The following NFKBIZ variants were observed in gnomAD, a reference collection of about 807,000 sequenced individuals.
NFKBIZ encodes NF-kappa-B inhibitor zeta.
In NFKBIZ, 19 loss-of-function variants were observed where a neutral mutation model predicts 76.8. The observed-to-expected ratio is 0.25, with a 90% confidence interval of 0.17 to 0.36. The LOEUF is 0.36. NFKBIZ is among the 10% of genes least tolerant of loss of function. NFKBIZ has a pLI of 1.00. For synonymous variants in NFKBIZ, 368 were observed against 354.8 expected (o/e 1.04, Z -0.42); for missense variants, 829 against 910.9 (o/e 0.91, Z 1.16).
chr3:101,853,974 TA>T, intron 5 of NFKBIZ, 111 bp downstream of exon 5: 1 of 1,015,812 alleles, frequency 9.8e-7, no homozygotes, highest in Non-Finnish European at 1.4e-6. Flanking sequence ...AGTGGTTGGC[TA>T]ACCAAGATGA....
chr3:101,839,399 AG>A (rs969844797), intron 2 of NFKBIZ, among the ~76,000 whole-genome samples: 3 of 152,144 alleles, frequency 2.0e-5, no homozygotes, highest in Non-Finnish European at 4.4e-5. Flanking sequence ...TAAAAAGGGA[AG>A]GGGGAAGAAG....
At chr3:101,838,737 A>G (rs1942753631) in intron 2 of NFKBIZ, among the ~76,000 whole-genome samples, 1 of 152,184 alleles carries the variant, frequency 6.6e-6, no homozygotes, top group Admixed American at 6.5e-5. Flanking sequence ...TTAAATTTGC[A>G]TAGTCTTTTA....
chr3:101,837,527 A>T (rs1372802091), intron 2 of NFKBIZ, among the ~76,000 whole-genome samples: 2 of 152,030 alleles, frequency 1.3e-5, no homozygotes, highest in African/African-American at 4.8e-5. Context: ...AAAAGAAAAA[A>T]AAAGAAAAAT....
In NFKBIZ at chr3:101,855,121, C is replaced by T. The variant is rs1943029354; in HGVS notation, c.1503C>T (p.Asn501=). The part of the protein sequence containing the change: ...NQHLIVQDLV[N]IGAQVNTTDC... ...ATCTCATTGTGCAGGATCTGGTGAA[C>T]ATCGGGGCACAGGTGAACACCACAG... is the stretch of plus-strand genomic sequence containing the variant. The change falls in exon 7 of 12, where the codon AAC becomes AAT. Residue 501 remains asparagine, a synonymous_variant. Coordinates refer to ENST00000326172, the MANE Select transcript of NFKBIZ (RefSeq NM_031419.4). 2 of 1,613,930 alleles carry T rather than the reference C, an allele frequency of 1.2e-6. No homozygotes were observed. The highest frequency in any genetic ancestry group is 8.5e-7 in the Non-Finnish European group (1 of 1,179,994).
At chr3:101,848,134 T>C (rs949961994), upstream of NFKBIZ, among the ~76,000 whole-genome samples, 1 of 152,256 alleles carries the variant, frequency 6.6e-6, no homozygotes, top group African/African-American at 2.4e-5. Context: ...TAATGGCCTC[T>C]GGGCTCCTCA....
intron 11 of NFKBIZ, chr3:101,857,960 T>A: frequency 3.6e-6 from 3 of 830,858 alleles, no homozygotes; most frequent in Non-Finnish European, 4.3e-6. Flanking sequence ...AAATTACTTA[T>A]GTAATTTCAA....
chr3:101,833,326 T>C (rs545961156), intron 2 of NFKBIZ, among the ~76,000 whole-genome samples: 7 of 152,302 alleles, frequency 4.6e-5, no homozygotes, highest in African/African-American at 1.7e-4. Context: ...ATAGGAATTG[T>C]GTGAGTTCTG....
intron 5 of NFKBIZ, 121 bp downstream of exon 5, chr3:101,853,984 G>A (rs1943009920): frequency 1.1e-6 from 1 of 905,622 alleles, no homozygotes; most frequent in Non-Finnish European, 1.7e-6. Flanking sequence ...TAACCAAGAT[G>A]ACTGGTGTAG....
rs911805972 is a variant in NFKBIZ at position 101,853,755 on chromosome 3, CCA to C, written c.1234_1235del (p.Gln412ValfsTer33). 6.2e-7 allele frequency: 1 copy of C among 1,614,094 alleles called. No individual in the cohort carries two copies. The highest frequency in any genetic ancestry group is 8.5e-7 in the Non-Finnish European group (1 of 1,180,038). ...TCAAACATGGGAAATCCAATGAACA[CCA>C]CACAGTTAGGGAAATCACTTTTTCA... On this transcript the variant is annotated frameshift_variant, in exon 5 of 12. Transcript: ENST00000326172. LOFTEE classifies it high-confidence loss of function.
Position 101,853,443 on chromosome 3 carries a change from C to T in NFKBIZ, c.917C>T (p.Pro306Leu). 1.2e-6 allele frequency: 2 copies of T among 1,614,202 alleles called. No homozygotes were observed. The highest frequency in any genetic ancestry group is 1.7e-6 in the Non-Finnish European group (2 of 1,180,044). ...CAGCAGCCACACTACACCCACAAAC[C>T]AACTCTGGAATACAGTCCTTTTCCC... is the stretch of plus-strand genomic sequence containing the variant. ...VEQQPHYTHK[P>L]TLEYSPFPIP... Residue 306 changes from proline to leucine, a missense_variant, in exon 5 of 12, where the codon CCA (proline) becomes CTA (leucine). Transcript: ENST00000326172.
chr3:101,841,330 A>G (rs1346838940), intron 2 of NFKBIZ, among the ~76,000 whole-genome samples: 1 of 152,218 alleles, frequency 6.6e-6, no homozygotes, highest in African/African-American at 2.4e-5. Context: ...CAGGTGGCCT[A>G]TTGGGAAGTA....
chr3:101,854,677 T>C lies in NFKBIZ; in HGVS notation c.1437T>C (p.Asn479=), dbSNP rs759894129. The C allele has an allele frequency of 6.2e-7, 1 of 1,611,806 alleles. No homozygotes were observed. Among genetic ancestry groups the C allele is most frequent in the Non-Finnish European group, 8.5e-7 (1 of 1,178,014 alleles). ...ALHMLDIKEH[N]GQSAFQVAVA... is the part of the protein sequence containing the mutation. ...ACATGCTGGATATTAAAGAGCACAA[T>C]GGACAGGTGAGGACCTTGACAGAGT... Residue 479 remains asparagine, a synonymous_variant, in exon 6 of 12, where the codon AAT becomes AAC. Coordinates refer to ENST00000326172, the MANE Select transcript of NFKBIZ (RefSeq NM_031419.4).
upstream of NFKBIZ, among the ~76,000 whole-genome samples, chr3:101,846,942 C>G (rs916562473): frequency 2.3e-4 from 35 of 152,198 alleles, no homozygotes; most frequent in African/African-American, 8.2e-4. Context: ...ACCAGGTGAG[C>G]TGGTGGTGTA....
At chr3:101,854,707 A>AATGGCAAAGAGGGGGTC in intron 6 of NFKBIZ, 24 bp downstream of exon 6, 1 of 1,539,034 alleles carries the variant, frequency 6.5e-7, no homozygotes, top group Non-Finnish European at 9.0e-7. Flanking sequence ...CAGAGTCTGA[A>AATGGCAAAGAGGGGGTC]ATGGCAAAGA....
chr3:101,852,372 G>T, intron 2 of NFKBIZ, 148 bp downstream of exon 2: 1 of 1,026,548 alleles, frequency 9.7e-7, no homozygotes, highest in African/African-American at 1.6e-5. Flanking sequence ...GACCATATTT[G>T]TCTGGTCTGT....
At chr3:101,848,250 C>A (rs1942882498), upstream of NFKBIZ, among the ~76,000 whole-genome samples, 1 of 152,168 alleles carries the variant, frequency 6.6e-6, no homozygotes. Context: ...GGTGCTCCAC[C>A]CAAAGGCACC....
At chr3:101,839,336 T>C (rs1942760475) in intron 2 of NFKBIZ, among the ~76,000 whole-genome samples, 1 of 152,194 alleles carries the variant, frequency 6.6e-6, no homozygotes, top group South Asian at 2.1e-4. Context: ...AAATAAGACA[T>C]AAAATTATAT....
chr3:101,849,836 T>C lies in NFKBIZ; in HGVS notation c.208T>C (p.Phe70Leu), dbSNP rs1006786471. The C allele has an allele frequency of 1.4e-6, 2 of 1,474,066 alleles. No homozygotes were observed. The highest frequency in any genetic ancestry group is 6.0e-5 in the East Asian group (2 of 33,458). 91.3% of individuals were successfully genotyped at this position (1,474,066 alleles called of 1,614,324 possible). ...CTCGCCCGGCTCCGACTCCTCCGAC[T>C]TCTCCTCTGCCTCGTCGGTGTCCTC... is the stretch of plus-strand genomic sequence containing the variant. ...PGSPGSDSSD[F>L]SSASSVSSCG... The change falls in exon 1 of 12, where the codon TTC becomes CTC. Residue 70 changes from phenylalanine (F) to leucine (L), a missense_variant. By Grantham distance (22) the Phe-to-Leu change is conservative. This residue lies in a region of NFKBIZ where 181 missense variants were observed against 175.3 expected (regional missense o/e 1.03). Transcript: ENST00000326172.
At chr3:101,848,283 C>A (rs771144538), upstream of NFKBIZ, among the ~76,000 whole-genome samples, 1 of 152,198 alleles carries the variant, frequency 6.6e-6, no homozygotes, top group Non-Finnish European at 1.5e-5. Context: ...ATATTTAATG[C>A]CATCTTCTCC....
Sources: gnomAD v4.1 joint callset for allele counts (sites outside exome capture counted in the v4.1 genomes callset) on GRCh38, gnomAD v4.1.1 for gene constraint, gnomAD v4.1.1 regional missense constraint, MANE v1.5 for transcripts, NCBI Gene and HGNC (gene_info 2026-07-23, HGNC 2026-07-21) for gene names.